The following POLN variants were observed in gnomAD, a reference collection of about 807,000 sequenced individuals.
POLN encodes DNA polymerase N.
In POLN, 108 loss-of-function variants were observed where a neutral mutation model predicts 113.5. That is an observed-to-expected ratio of 0.95 (90% CI 0.81 to 1.12). The LOEUF (loss-of-function observed/expected upper bound fraction) is 1.12. POLN is among the 50% of genes most tolerant of loss of function. POLN has a pLI of 0.00. For synonymous variants in POLN, 386 were observed against 391.5 expected, an observed-to-expected ratio of 0.99 and a Z score of 0.17; for missense variants, 1,097 against 1,077.1, an observed-to-expected ratio of 1.02 and a Z score of -0.26.
intron 19 of POLN, among the ~76,000 whole-genome samples, chr4:2,112,918 T>C (rs1199424040): frequency 6.6e-6 from 1 of 152,164 alleles, no homozygotes; most frequent in Non-Finnish European, 1.5e-5. Context: ...ATCATGCTGC[T>C]ATAAAGACAC....
intron 11 of POLN, among the ~76,000 whole-genome samples, chr4:2,173,734 G>T (rs1436496704): frequency 6.6e-6 from 1 of 152,124 alleles, no homozygotes; most frequent in Non-Finnish European, 1.5e-5. Flanking sequence ...AGGATCCTGA[G>T]GAGCCATTAA....
Position 2,072,212 on chromosome 4 carries a change from A to G in POLN, c.2605T>C (p.Cys869Arg). ...CTGTTGCTGGGAGACTCAGTGCGAC[A>G]TGGGCCTGGCGGAGGGCCCCAGGCC... is the stretch of plus-strand genomic sequence containing the variant. ...QEAWGPPPGPCRTESPSNSLA... is the reference protein window; with the variant it reads ...QEAWGPPPGPRRTESPSNSLA... The change falls in exon 26 of 26, where the codon TGT becomes CGT. Residue 869 changes from cysteine (C) to arginine (R), a missense_variant. Physicochemically the swap from Cys to Arg is radical, Grantham distance 180. Coordinates refer to ENST00000511885, the MANE Select transcript of POLN (RefSeq NM_181808.4). 6.2e-7 allele frequency: 1 copy of G among 1,608,204 alleles called. No homozygotes were observed. The highest frequency in any genetic ancestry group is 8.5e-7 in the Non-Finnish European group (1 of 1,176,734).
chr4:2,210,621 TAATAATAATA>T (rs1225111449), intron 4 of POLN, among the ~76,000 whole-genome samples: 5 of 130,932 alleles, frequency 3.8e-5, no homozygotes, highest in African/African-American at 1.6e-4. Flanking sequence ...ATAATAATAA[TAATAATAATA>T]AAAAAAAGAG....
rs146105806 is a variant in POLN, at chr4:2,241,101, G to T, written c.-13+419C>A. ...AATCTATAATGATTCCTCCTAGGGG[G>T]GAAGAAAACAAGTATTAGACCACAA... On this transcript the variant is annotated intron_variant, in intron 2 of 25. Coordinates refer to ENST00000511885, the MANE Select transcript of POLN (RefSeq NM_181808.4). 392 of 583,406 alleles carry T rather than the reference G, an allele frequency of 6.7e-4. 1 individual carries two copies. In the African/African-American group the frequency reaches 6.9e-3, roughly 10 times the overall value. The allele number at this position is 583,406 out of a possible 1,614,324, so 36.1% of individuals were successfully genotyped here. A position where few individuals can be genotyped will look rare whatever the true frequency, so the allele number is the denominator to read the frequency against.
chr4:2,235,077 G>C (rs1278363476), intron 2 of POLN, among the ~76,000 whole-genome samples: 2 of 152,114 alleles, frequency 1.3e-5, no homozygotes, highest in African/African-American at 4.8e-5. Flanking sequence ...GTAGAGATGG[G>C]GTTTCACCAC....
intron 3 of POLN, among the ~76,000 whole-genome samples, chr4:2,225,483 AG>A (rs887685985): frequency 6.0e-5 from 9 of 151,186 alleles, no homozygotes; most frequent in South Asian, 4.2e-4. Flanking sequence ...TGAACCCAGG[AG>A]GGGGGGTTGC....
rs193065968 is a variant in POLN, at chr4:2,191,668, T to C, written c.1021+1536A>G. ...AAGGAAAAAAAAGAATAAAAGATTA[T>C]TGGTTATTTTGCTTGGGGGTGGGGA... On this transcript the variant is annotated intron_variant, in intron 7 of 25. Coordinates refer to ENST00000511885, the MANE Select transcript of POLN (RefSeq NM_181808.4). Among the ~76,000 whole-genome samples, 230 of 152,252 alleles carry C rather than the reference T, an allele frequency of 1.5e-3. 1 individual carries two copies. The highest frequency in any genetic ancestry group is 5.0e-3 in the African/African-American group (207 of 41,548).
intron 5 of POLN, among the ~76,000 whole-genome samples, chr4:2,200,151 G>A (rs2108760170): frequency 6.6e-6 from 1 of 152,222 alleles, no homozygotes; most frequent in Non-Finnish European, 1.5e-5. Flanking sequence ...ATTCCAGCTG[G>A]ATTTTTGCAT....
intron 6 of POLN, among the ~76,000 whole-genome samples, chr4:2,193,864 C>T (rs1733513119): frequency 6.6e-6 from 1 of 152,214 alleles, no homozygotes; most frequent in Admixed American, 6.5e-5. Context: ...GGGCTGCTCC[C>T]TCTTCTGTAT....
At chr4:2,164,237 C>T (rs986001795) in intron 13 of POLN, among the ~76,000 whole-genome samples, 1 of 152,186 alleles carries the variant, frequency 6.6e-6, no homozygotes, top group African/African-American at 2.4e-5. Context: ...CATGGTGGCT[C>T]ACACATGTAA....
chr4:2,211,210 CT>C (rs1305086525), intron 4 of POLN, among the ~76,000 whole-genome samples: 3 of 148,876 alleles, frequency 2.0e-5, no homozygotes, highest in Admixed American at 6.7e-5. Context: ...GATCACACCA[CT>C]GCACTCCAGT....
chr4:2,201,728 C>G (rs995456614), intron 5 of POLN, among the ~76,000 whole-genome samples: 3 of 152,284 alleles, frequency 2.0e-5, no homozygotes, highest in African/African-American at 7.2e-5. Flanking sequence ...GCAAAAAGAT[C>G]ATTGACTAGG....
intron 16 of POLN, among the ~76,000 whole-genome samples, chr4:2,134,050 T>C (rs1032063709): frequency 1.4e-4 from 22 of 152,356 alleles, no homozygotes; most frequent in Admixed American, 2.6e-4. Flanking sequence ...ACCACTCATC[T>C]GTTTACTGTG....
chr4:2,195,479 GT>G (rs923561177), intron 6 of POLN, among the ~76,000 whole-genome samples: 2 of 150,182 alleles, frequency 1.3e-5, no homozygotes, highest in Non-Finnish European at 3.0e-5. Context: ...TTTTAGCTTG[GT>G]AATTCTTTTT....
intron 19 of POLN, among the ~76,000 whole-genome samples, chr4:2,123,993 ATAGAG>A (rs1274220668): frequency 2.6e-5 from 4 of 152,212 alleles, no homozygotes; most frequent in Admixed American, 6.5e-5. Context: ...ATTCCATATA[ATAGAG>A]TATTTTTCAG....
chr4:2,191,874 G>A (rs1733450294), intron 7 of POLN, among the ~76,000 whole-genome samples: 1 of 152,068 alleles, frequency 6.6e-6, no homozygotes, highest in Admixed American at 6.6e-5. Context: ...GGTCACTTTG[G>A]GAGGCCGAGG....
In POLN at chr4:2,173,744, A is replaced by C. The variant is rs147193428; in HGVS notation, c.1374+211T>G. Reference sequence around the variant, plus strand: ...TGAGGAGGATCCTGAGGAGCCATTAAAGAACTCCCCGGACACACACGCACT... The same window carrying C: ...TGAGGAGGATCCTGAGGAGCCATTACAGAACTCCCCGGACACACACGCACT... On this transcript the variant is annotated intron_variant, in intron 11 of 25. Coordinates refer to ENST00000511885, the MANE Select transcript of POLN (RefSeq NM_181808.4). Among the ~76,000 whole-genome samples the C allele has an allele frequency of 1.5e-3, 233 of 152,264 alleles. 1 individual carries two copies. The highest frequency in any genetic ancestry group is 5.4e-3 in the African/African-American group (226 of 41,540).
At chr4:2,210,626 ATAAT>A (rs939323952) in intron 4 of POLN, among the ~76,000 whole-genome samples, 9 of 115,662 alleles carry the variant, frequency 7.8e-5, no homozygotes, top group Admixed American at 3.6e-4. Context: ...AATAATAATA[ATAAT>A]AAAAAAAAGA....
intron 13 of POLN, among the ~76,000 whole-genome samples, chr4:2,163,783 A>G (rs1380934700): frequency 6.6e-6 from 1 of 152,166 alleles, no homozygotes; most frequent in Non-Finnish European, 1.5e-5. Context: ...TCCCAGGGCG[A>G]CTTTAGTAAA....
Sources: allele counts gnomAD v4.1 joint callset (sites outside exome capture counted in the v4.1 genomes callset), GRCh38; gene constraint gnomAD v4.1.1; transcripts MANE v1.5; gene names NCBI Gene and HGNC (gene_info 2026-07-23, HGNC 2026-07-21).